The following SCAPER variants were observed in gnomAD, a reference collection of about 807,000 sequenced individuals.
The protein encoded by SCAPER is S phase cyclin A-associated protein in the endoplasmic reticulum.
Under a neutral mutation model 182.2 loss-of-function variants are expected in SCAPER, and 98 were observed. The ratio of observed to expected loss-of-function variants is 0.54; its 90% CI spans 0.46 to 0.64. The LOEUF (loss-of-function observed/expected upper bound fraction) is 0.64, where lower values mean the gene tolerates loss of function less well. Among genes scored for constraint, SCAPER ranks in the 30% least tolerant of loss-of-function variants. The pLI is 0.00. For missense variants in SCAPER, 1,432 were observed against 1,690.0 expected (o/e 0.85, Z 2.68); for synonymous variants, 605 against 564.6 (o/e 1.07, Z -1.01).
At chr15:76,488,424 C>G (rs1206172384) in intron 24 of SCAPER, among the ~76,000 whole-genome samples, 1 of 152,068 alleles carries the variant, frequency 6.6e-6, no homozygotes, top group Non-Finnish European at 1.5e-5. Flanking sequence ...CTGAAAACAG[C>G]TGGAAATGTT....
chr15:76,731,068 C>T (rs542445191), intron 16 of SCAPER, among the ~76,000 whole-genome samples: 2 of 152,110 alleles, frequency 1.3e-5, no homozygotes, highest in South Asian at 2.1e-4. Context: ...AAACTTTGTA[C>T]CTCATAAAGC....
rs201014407 is a variant in SCAPER at position 76,523,618 on chromosome 15, G to C, written c.2839-18644C>G. 1.3e-4 allele frequency among the ~76,000 whole-genome samples: 20 copies of C among 152,110 alleles called. No individual in the cohort carries two copies. In the East Asian group the frequency reaches 2.9e-3, roughly 22 times the overall value. The stretch of plus-strand genomic sequence containing the variant: ...CACCCAATGCCAAATACTGAGGTGG[G>C]TCTGCTTTAGGAAGACAGTTAAACA... On this transcript the variant is annotated intron_variant, in intron 23 of 31. Coordinates refer to ENST00000563290, the MANE Select transcript of SCAPER (RefSeq NM_020843.4).
rs375377198 is a variant in SCAPER, at chr15:76,437,768, T to A, written c.3079-3458A>T. 8.5e-5 allele frequency among the ~76,000 whole-genome samples: 13 copies of A among 152,244 alleles called. No individual in the cohort carries two copies. The East Asian group carries it at 1.5e-3, about 18-fold the overall frequency. On this transcript the variant is annotated intron_variant, in intron 25 of 31. Coordinates refer to ENST00000563290, the MANE Select transcript of SCAPER (RefSeq NM_020843.4). ...GAACTTTTAAAAATACAGTTGAGAG[T>A]CAACAGGAAATAAAAAAGACTTCTG... is the stretch of plus-strand genomic sequence containing the variant.
At chr15:76,401,114 C>T (rs971495706) in intron 27 of SCAPER, among the ~76,000 whole-genome samples, 1 of 151,736 alleles carries the variant, frequency 6.6e-6, no homozygotes, top group Non-Finnish European at 1.5e-5. Flanking sequence ...AAAGTTTACA[C>T]ATATATGTAT....
chr15:76,631,046 G>A (rs369603586), intron 21 of SCAPER, among the ~76,000 whole-genome samples: 1 of 152,162 alleles, frequency 6.6e-6, no homozygotes. Flanking sequence ...TTATCATTAT[G>A]TAATGCCCTT....
intron 29 of SCAPER, among the ~76,000 whole-genome samples, chr15:76,358,676 C>T (rs989153351): frequency 6.6e-6 from 1 of 152,188 alleles, no homozygotes; most frequent in South Asian, 2.1e-4. Context: ...TAATTACCTC[C>T]TAAAAGCCCT....
chr15:76,758,347 T>A (rs944592073), intron 14 of SCAPER, among the ~76,000 whole-genome samples: 1 of 152,196 alleles, frequency 6.6e-6, no homozygotes, highest in Non-Finnish European at 1.5e-5. Flanking sequence ...AGATTATGCT[T>A]TCCCCATTGT....
intron 23 of SCAPER, among the ~76,000 whole-genome samples, chr15:76,509,678 C>T (rs1231595286): frequency 6.6e-6 from 1 of 151,946 alleles, no homozygotes; most frequent in African/African-American, 2.4e-5. Flanking sequence ...AATGCTATTC[C>T]CATCAAAATG....
At chr15:76,510,888 T>TAC (rs1555461317) in intron 23 of SCAPER, among the ~76,000 whole-genome samples, 1 of 141,090 alleles carries the variant, frequency 7.1e-6, no homozygotes, top group African/African-American at 2.6e-5. Context: ...TGTGTGTGTG[T>TAC]GCGCGCGCGC....
intron 4 of SCAPER, among the ~76,000 whole-genome samples, chr15:76,846,156 A>G (rs2070059847): frequency 6.6e-6 from 1 of 152,140 alleles, no homozygotes; most frequent in East Asian, 1.9e-4. Flanking sequence ...CAGAAGAATG[A>G]AATTTGACTT....
chr15:76,818,181 C>T (rs2067236951), intron 5 of SCAPER, among the ~76,000 whole-genome samples: 1 of 152,122 alleles, frequency 6.6e-6, no homozygotes, highest in South Asian at 2.1e-4. Context: ...ACGTACAAAG[C>T]CAATACAAGG....
In SCAPER at chr15:76,804,643, AC is replaced by A; in HGVS notation, c.394-11del. The A allele has an allele frequency of 6.4e-7, 1 of 1,551,832 alleles. No homozygotes were observed. Among genetic ancestry groups the A allele is most frequent in the Admixed American group, 1.9e-5 (1 of 52,834 alleles). The stretch of plus-strand genomic sequence containing the variant: ...GCATCATTAGCACCTCCTAAAAGAA[AC>A]AAAACAAAAAAAAATTAAATTCCAG... On this transcript the variant is annotated splice_polypyrimidine_tract_variant and intron_variant, in intron 5 of 31. Coordinates refer to ENST00000563290, the MANE Select transcript of SCAPER (RefSeq NM_020843.4).
Position 76,508,604 on chromosome 15 carries a change from T to C in SCAPER, c.2839-3630A>G, listed in dbSNP as rs1404151466. ...AACTTTAGTCATTGTAATGGGTGTG[T>C]ACTGGCATTTTTTTGAGGTTTTTAT... On this transcript the variant is annotated intron_variant, in intron 23 of 31. Transcript: ENST00000563290. Among the ~76,000 whole-genome samples, 4 of 152,330 alleles carry C rather than the reference T, an allele frequency of 2.6e-5. No homozygotes were observed. The East Asian group carries it at 7.7e-4, about 29-fold the overall frequency.
chr15:76,642,296 T>C (rs1687005580), intron 21 of SCAPER, among the ~76,000 whole-genome samples: 1 of 152,320 alleles, frequency 6.6e-6, no homozygotes, highest in South Asian at 2.1e-4. Flanking sequence ...ATAATGATTA[T>C]TTTAAAAGCT....
At chr15:76,518,209 G>A (rs1369111706) in intron 23 of SCAPER, among the ~76,000 whole-genome samples, 1 of 152,142 alleles carries the variant, frequency 6.6e-6, no homozygotes, top group Non-Finnish European at 1.5e-5. Context: ...GCCCCAGCTG[G>A]CCTTCAATAG....
intron 1 of SCAPER, among the ~76,000 whole-genome samples, chr15:76,893,878 G>A (rs1262512402): frequency 1.3e-5 from 2 of 152,254 alleles, no homozygotes; most frequent in Non-Finnish European, 2.9e-5. Context: ...AGTGAAAATG[G>A]TAACACAACA....
intron 5 of SCAPER, among the ~76,000 whole-genome samples, chr15:76,834,829 C>A (rs1054581676): frequency 6.6e-6 from 1 of 152,056 alleles, no homozygotes; most frequent in Non-Finnish European, 1.5e-5. Flanking sequence ...TGGAAACATA[C>A]AACCTGCCAA....
At chr15:76,903,671 G>A (rs2074921407) in intron 1 of SCAPER, among the ~76,000 whole-genome samples, 1 of 152,116 alleles carries the variant, frequency 6.6e-6, no homozygotes, top group African/African-American at 2.4e-5. Context: ...CACTCAGTCT[G>A]AGGTATTTTG....
At chr15:76,365,169 C>A (rs1431458504) in intron 29 of SCAPER, among the ~76,000 whole-genome samples, 1 of 152,130 alleles carries the variant, frequency 6.6e-6, no homozygotes, top group Non-Finnish European at 1.5e-5. Flanking sequence ...AGGCACTGCC[C>A]CTGGCTGTGG....
Sources: gnomAD v4.1 joint callset for allele counts (sites outside exome capture counted in the v4.1 genomes callset) on GRCh38, gnomAD v4.1.1 for gene constraint, MANE v1.5 for transcripts, NCBI Gene and HGNC (gene_info 2026-07-23, HGNC 2026-07-21) for gene names.